The following OPCML variants were observed in gnomAD, a reference collection of about 807,000 sequenced individuals.
The protein encoded by OPCML is opioid-binding protein/cell adhesion molecule.
OPCML carries 13 observed loss-of-function variants against 37.8 expected under a neutral mutation model. That is an observed-to-expected ratio of 0.34 (90% CI 0.22 to 0.55). The LOEUF (loss-of-function observed/expected upper bound fraction) is 0.55, where lower values mean the gene tolerates loss of function less well. OPCML is among the 20% of genes least tolerant of loss of function. OPCML has a pLI of 0.91. For synonymous variants in OPCML, 176 were observed against 168.8 expected (o/e 1.04, Z -0.33); for missense variants, 341 against 435.6 (o/e 0.78, Z 1.93).
At chr11:133,494,940 G>T (rs190372224) in intron 1 of OPCML, among the ~76,000 whole-genome samples, 1 of 151,952 alleles carries the variant, frequency 6.6e-6, no homozygotes, top group African/African-American at 2.4e-5. Flanking sequence ...AGTTATTGGG[G>T]TACAGGTGGT....
intron 2 of OPCML, among the ~76,000 whole-genome samples, chr11:132,894,975 A>G (rs77684855): frequency 0.02 from 3,110 of 152,294 alleles, 90 homozygotes; most frequent in African/African-American, 0.071. Context: ...ATATATCTAT[A>G]TATCTATAAA....
At chr11:132,958,742 G>A (rs1946021550) in intron 1 of OPCML, among the ~76,000 whole-genome samples, 1 of 152,178 alleles carries the variant, frequency 6.6e-6, no homozygotes, top group Non-Finnish European at 1.5e-5. Flanking sequence ...AACAGAGCCT[G>A]GATGACAGCA....
At chr11:133,207,250 A>G (rs1939114894) in intron 1 of OPCML, among the ~76,000 whole-genome samples, 1 of 152,062 alleles carries the variant, frequency 6.6e-6, no homozygotes, top group Non-Finnish European at 1.5e-5. Context: ...TAGTGAGCCG[A>G]GATCAAGCCA....
intron 1 of OPCML, among the ~76,000 whole-genome samples, chr11:132,960,382 C>A (rs759439096): frequency 7.9e-5 from 12 of 152,152 alleles, no homozygotes; most frequent in Non-Finnish European, 1.0e-4. Flanking sequence ...GGGAATCCCA[C>A]GTGTGTAAAA....
intron 1 of OPCML, among the ~76,000 whole-genome samples, chr11:132,968,851 A>C (rs1211567575): frequency 1.3e-5 from 2 of 152,094 alleles, no homozygotes; most frequent in African/African-American, 4.8e-5. Context: ...CTCCTTCCCT[A>C]TTAATATGCT....
intron 1 of OPCML, among the ~76,000 whole-genome samples, chr11:133,083,121 T>TCA (rs1948763026): frequency 6.6e-6 from 1 of 151,784 alleles, no homozygotes; most frequent in East Asian, 2.0e-4. Context: ...CACACTCACA[T>TCA]CACACACACC....
intron 1 of OPCML, among the ~76,000 whole-genome samples, chr11:133,084,861 AT>A (rs1313226776): frequency 6.6e-6 from 1 of 152,312 alleles, no homozygotes; most frequent in East Asian, 1.9e-4. Context: ...CTACCATACA[AT>A]ATAGATTTAT....
chr11:132,756,404 T>A (rs149340977), intron 2 of OPCML, among the ~76,000 whole-genome samples: 11 of 152,290 alleles, frequency 7.2e-5, no homozygotes, highest in African/African-American at 2.4e-4. Context: ...AACAGAGACA[T>A]ATGATGAGCA....
intron 1 of OPCML, among the ~76,000 whole-genome samples, chr11:133,364,425 C>T (rs1944495037): frequency 6.6e-6 from 1 of 152,170 alleles, no homozygotes; most frequent in Non-Finnish European, 1.5e-5. Flanking sequence ...CAAATATTTC[C>T]TATTGTTCTA....
intron 4 of OPCML, among the ~76,000 whole-genome samples, chr11:132,455,920 G>A (rs2512713): frequency 0.59 from 89,721 of 151,990 alleles, 27,260 homozygotes; most frequent in East Asian, 0.91. Flanking sequence ...GTTATTGACT[G>A]TCAAACTTAA....
Position 132,705,881 on chromosome 11 carries a change from C to T in OPCML, c.147-48562G>A, listed in dbSNP as rs575320219. ...GGAGTGCAGTGGCACAATCTCGGCC[C>T]ACTGCAACCTCCACCTCCCGGGTTC... On this transcript the variant is annotated intron_variant, in intron 2 of 7. Transcript: ENST00000524381. 2.6e-5 allele frequency among the ~76,000 whole-genome samples: 4 copies of T among 152,252 alleles called. No homozygotes were observed. The South Asian group carries it at 8.3e-4, about 32-fold the overall frequency.
At chr11:133,166,060 C>G (rs928296728) in intron 1 of OPCML, among the ~76,000 whole-genome samples, 2 of 152,194 alleles carry the variant, frequency 1.3e-5, no homozygotes, top group African/African-American at 4.8e-5. Context: ...CACTCACTCA[C>G]TGGATTCATT....
chr11:132,761,242 T>C (rs1429855951), intron 2 of OPCML, among the ~76,000 whole-genome samples: 1 of 151,426 alleles, frequency 6.6e-6, no homozygotes. Context: ...TTTTTTTTTT[T>C]TTTTTTCATT....
At chr11:132,828,119 G>T (rs369102769) in intron 2 of OPCML, among the ~76,000 whole-genome samples, 1 of 152,102 alleles carries the variant, frequency 6.6e-6, no homozygotes, top group Non-Finnish European at 1.5e-5. Flanking sequence ...AATGCATGTC[G>T]CTAAGTGGAA....
intron 1 of OPCML, among the ~76,000 whole-genome samples, chr11:133,279,830 T>C (rs921992960): frequency 3.3e-5 from 5 of 152,188 alleles, no homozygotes; most frequent in Non-Finnish European, 7.3e-5. Context: ...GGAATCCAAA[T>C]TATTTTTAAA....
intron 1 of OPCML, among the ~76,000 whole-genome samples, chr11:132,984,910 T>C (rs180774829): frequency 2.0e-3 from 299 of 152,306 alleles, no homozygotes; most frequent in Non-Finnish European, 2.2e-3. Flanking sequence ...GATTAACAAA[T>C]TCGCTCACAG....
intron 3 of OPCML, among the ~76,000 whole-genome samples, chr11:132,558,770 T>C (rs1158736472): frequency 6.6e-6 from 1 of 151,976 alleles, no homozygotes; most frequent in Non-Finnish European, 1.5e-5. Context: ...AAAAGTCCCA[T>C]CTTTACAATC....
chr11:133,233,584 G>A (rs1024771096), intron 1 of OPCML, among the ~76,000 whole-genome samples: 2 of 152,088 alleles, frequency 1.3e-5, no homozygotes, highest in Non-Finnish European at 2.9e-5. Context: ...ATATAGTTTT[G>A]AGTCAACCCC....
chr11:132,418,551 GA>G lies in OPCML; in HGVS notation c.*1641del, dbSNP rs567235885. On this transcript the variant is annotated 3_prime_UTR_variant, in exon 8 of 8. Transcript: ENST00000524381. ...GCAGTGTTGTGTTAATCAAGTGCTT[GA>G]AAATTAAGTCAGTTGCTCAAGTGCC... 15 of 152,648 alleles carry G rather than the reference GA, an allele frequency of 9.8e-5. No homozygotes were observed. The highest frequency in any genetic ancestry group is 2.1e-4 in the Non-Finnish European group (14 of 68,052). 9.5% of individuals were successfully genotyped at this position (152,648 alleles called of 1,614,324 possible).
Sources: gnomAD v4.1 joint callset for allele counts (sites outside exome capture counted in the v4.1 genomes callset) on GRCh38, gnomAD v4.1.1 for gene constraint, MANE v1.5 for transcripts, NCBI Gene and HGNC (gene_info 2026-07-23, HGNC 2026-07-21) for gene names.